The following MEIS2 variants were observed in gnomAD, a reference collection of about 807,000 sequenced individuals.
The protein encoded by MEIS2 is Meis homeobox 2, also known as homeobox protein Meis2.
MEIS2 carries 9 observed loss-of-function variants against 58.6 expected under a neutral mutation model. The ratio of observed to expected loss-of-function variants is 0.15; its 90% CI spans 0.09 to 0.27. The LOEUF (loss-of-function observed/expected upper bound fraction) is 0.27, where lower values mean the gene tolerates loss of function less well. Among genes scored for constraint, MEIS2 ranks in the 10% least tolerant of loss-of-function variants. The probability of loss-of-function intolerance (pLI) is 1.00; values close to 1 mark genes in which losing one functional copy is unlikely to be tolerated. For missense variants in MEIS2, 427 were observed against 635.0 expected (o/e 0.67, Z 3.52); for synonymous variants, 221 against 228.4 (o/e 0.97, Z 0.29).
chr15:37,061,410 A>G (rs1889198520), intron 7 of MEIS2, among the ~76,000 whole-genome samples: 2 of 152,232 alleles, frequency 1.3e-5, no homozygotes, highest in Non-Finnish European at 2.9e-5. Flanking sequence ...ACTAGTTTCT[A>G]TAATCCATAA....
chr15:36,991,770 TCTTTTTTTTTTTC>T (rs1567152807), intron 8 of MEIS2, among the ~76,000 whole-genome samples: 4 of 119,998 alleles, frequency 3.3e-5, no homozygotes, highest in African/African-American at 1.2e-4. Context: ...GTGTTAATTT[TCTTTTTTTTTTTC>T]TTTTTTTTTT....
At chr15:36,901,106 G>C (rs1276702860) in intron 9 of MEIS2, 5 of 152,254 alleles carry the variant, frequency 3.3e-5, no homozygotes, top group Non-Finnish European at 5.9e-5. Context: ...AACCGTTGAA[G>C]AGAGATCAGA....
At chr15:36,971,037 G>GAA (rs959426609) in intron 8 of MEIS2, among the ~76,000 whole-genome samples, 77 of 134,890 alleles carry the variant, frequency 5.7e-4, no homozygotes, top group African/African-American at 2.1e-3. Context: ...CAAAGAATAG[G>GAA]AAAAAAAAAA....
chr15:36,924,235 C>G (rs2057646205), intron 9 of MEIS2, among the ~76,000 whole-genome samples: 1 of 151,998 alleles, frequency 6.6e-6, no homozygotes, highest in Non-Finnish European at 1.5e-5. Flanking sequence ...TGGCACAAGA[C>G]CAGTCTTGAA....
chr15:36,943,138 G>T (rs1477209421), intron 9 of MEIS2, among the ~76,000 whole-genome samples: 1 of 152,100 alleles, frequency 6.6e-6, no homozygotes, highest in African/African-American at 2.4e-5. Context: ...TATTTGCAAT[G>T]AGTTATCTTC....
chr15:37,098,158 C>T lies in MEIS2; in HGVS notation c.54G>A (p.Gly18=), dbSNP rs532094230. ...LPHYGGMDGV[G]VPASMYGDPH... ...GGTCTCCGTACATGGAAGCGGGAACCCCTACTCCGTCCATCCCGCCGTAAT... is the reference window on the plus strand; with the variant it reads ...GGTCTCCGTACATGGAAGCGGGAACTCCTACTCCGTCCATCCCGCCGTAAT... Residue 18 remains glycine (G), a synonymous_variant, in exon 2 of 12, where the codon GGG becomes GGA. Transcript: ENST00000561208. The T allele has an allele frequency of 6.2e-7, 1 of 1,609,562 alleles. No homozygotes were observed. Among genetic ancestry groups the T allele is most frequent in the South Asian group, 1.1e-5 (1 of 90,616 alleles).
chr15:36,979,471 G>A (rs953908550), intron 8 of MEIS2, among the ~76,000 whole-genome samples: 1 of 151,952 alleles, frequency 6.6e-6, no homozygotes, highest in African/African-American at 2.4e-5. Flanking sequence ...TTGCCAATAT[G>A]ATAGGTGAAA....
intron 7 of MEIS2, among the ~76,000 whole-genome samples, chr15:37,071,975 G>A (rs956170533): frequency 1.3e-5 from 2 of 151,958 alleles, no homozygotes; most frequent in Non-Finnish European, 2.9e-5. Flanking sequence ...AAACTACCTC[G>A]ACTATGGTGC....
At chr15:36,967,705 C>T (rs544536241) in intron 8 of MEIS2, among the ~76,000 whole-genome samples, 2 of 152,266 alleles carry the variant, frequency 1.3e-5, no homozygotes, top group South Asian at 4.1e-4. Context: ...CTAACCAAAC[C>T]ACATTGTCTT....
At position 36,892,104 on chromosome 15, in the gene MEIS2, C is replaced by A. The variant is rs146614487; in HGVS notation, c.*69G>T. Reference sequence around the variant, plus strand: ...GGAATTTCATATTAAGTGTCAACATCTGGTCAAAGTTCAGAAAGTCTTAAA... The same window carrying A: ...GGAATTTCATATTAAGTGTCAACATATGGTCAAAGTTCAGAAAGTCTTAAA... On this transcript the variant is annotated 3_prime_UTR_variant, in exon 12 of 12. Transcript: ENST00000561208. 1.8e-4 allele frequency: 277 copies of A among 1,515,670 alleles called. No individual in the cohort carries two copies. The African/African-American group carries it at 3.1e-3, about 17-fold the overall frequency. The allele number at this position is 1,515,670 out of a possible 1,614,324, so 93.9% of individuals were successfully genotyped here. A position where few individuals can be genotyped will look rare whatever the true frequency, so the allele number is the denominator to read the frequency against.
intron 1 of MEIS2, 21 bp downstream of exon 1, chr15:37,099,434 G>A (rs768900455): frequency 6.2e-7 from 1 of 1,614,168 alleles, no homozygotes; most frequent in East Asian, 2.2e-5. Flanking sequence ...ATCTAGGTAA[G>A]TGTTGGAGAT....
Position 36,891,962 on chromosome 15 carries a change from CTTTA to C in MEIS2, c.*207_*210del. 1.7e-6 allele frequency: 1 copy of C among 601,490 alleles called. No homozygotes were observed. The highest frequency in any genetic ancestry group is 2.9e-6 in the Non-Finnish European group (1 of 342,628). 37.3% of individuals were successfully genotyped at this position (601,490 alleles called of 1,614,324 possible). A position where few individuals can be genotyped will look rare whatever the true frequency, so the allele number is the denominator to read the frequency against. ...CTCTCGGAGTCTTTTTCCAGAGGAT[CTTTA>C]CATGGACAGAATTGTCTCAGTCAGC... On this transcript the variant is annotated 3_prime_UTR_variant, in exon 12 of 12. Transcript: ENST00000561208.
intron 9 of MEIS2, among the ~76,000 whole-genome samples, chr15:36,909,206 G>A (rs2141260528): frequency 6.6e-6 from 1 of 152,148 alleles, no homozygotes; most frequent in South Asian, 2.1e-4. Flanking sequence ...TGGTTCCAAA[G>A]TCTGATTAAG....
chr15:36,987,037 A>G (rs1231182353), intron 8 of MEIS2, among the ~76,000 whole-genome samples: 3 of 152,182 alleles, frequency 2.0e-5, no homozygotes, highest in Non-Finnish European at 4.4e-5. Context: ...AGATAAGAAA[A>G]TAAAACTTTC....
At chr15:36,924,340 T>C (rs1478384971) in intron 9 of MEIS2, among the ~76,000 whole-genome samples, 1 of 152,206 alleles carries the variant, frequency 6.6e-6, no homozygotes, top group Non-Finnish European at 1.5e-5. Context: ...CCCACCACTG[T>C]GTGCACGGCT....
At chr15:37,028,276 G>A (rs575495642) in intron 8 of MEIS2, among the ~76,000 whole-genome samples, 4 of 152,242 alleles carry the variant, frequency 2.6e-5, no homozygotes, top group Admixed American at 2.6e-4. Flanking sequence ...CCCATGAAAA[G>A]CCATTGCACC....
rs73395440 is a variant in MEIS2 at position 37,072,378 on chromosome 15, C to A, written c.754+11393G>T. On this transcript the variant is annotated intron_variant, in intron 7 of 11. Coordinates refer to ENST00000561208, the MANE Select transcript of MEIS2 (RefSeq NM_170675.5). Reference sequence around the variant, plus strand: ...CCAGGGAATCTGTATTTATATGCATCTGAGGAGCTACTTATCACCAGGAAA... The same window carrying A: ...CCAGGGAATCTGTATTTATATGCATATGAGGAGCTACTTATCACCAGGAAA... Among the ~76,000 whole-genome samples the A allele has an allele frequency of 4.2e-3, 636 of 152,144 alleles. 2 individuals carry two copies. The highest frequency in any genetic ancestry group is 0.013 in the African/African-American group (527 of 41,522).
chr15:36,892,235 T>C lies in MEIS2; in HGVS notation c.1372A>G (p.Thr458Ala). 1 of 1,614,104 alleles carries C rather than the reference T, an allele frequency of 6.2e-7. No homozygotes were observed. Among genetic ancestry groups the C allele is most frequent in the South Asian group, 1.1e-5 (1 of 91,076 alleles). Residue 458 changes from threonine to alanine, a missense_variant, in exon 12 of 12, where the codon ACA (threonine) becomes GCA (alanine). Physicochemically the swap from Thr to Ala is moderately conservative, Grantham distance 58. Around this residue, in one of 6 missense-constraint regions of MEIS2, gnomAD observed 154 missense variants for 148.1 expected, o/e 1.04. Coordinates refer to ENST00000561208, the MANE Select transcript of MEIS2 (RefSeq NM_170675.5). Reference protein sequence around the residue: ...PGMTMSAQSPTMLNSVDPNVG... With the variant: ...PGMTMSAQSPAMLNSVDPNVG... ...TTGGGATCTACAGAATTTAACATTG[T>C]GGGGCTCTGTGCTGACATAGTCATT...
intron 8 of MEIS2, among the ~76,000 whole-genome samples, chr15:36,999,714 T>G (rs1455545953): frequency 6.6e-6 from 1 of 152,224 alleles, no homozygotes; most frequent in Non-Finnish European, 1.5e-5. Context: ...TAGAAGATAG[T>G]CTGTGAAAAC....
Sources: gnomAD v4.1 joint callset for allele counts (sites outside exome capture counted in the v4.1 genomes callset) on GRCh38, gnomAD v4.1.1 for gene constraint, gnomAD v4.1.1 regional missense constraint, MANE v1.5 for transcripts, NCBI Gene and HGNC (gene_info 2026-07-23, HGNC 2026-07-21) for gene names.